IKZF3: variants seen among roughly 807,000 people sequenced by gnomAD.
The protein encoded by IKZF3 is IKAROS family zinc finger 3.
A neutral mutation model predicts 49.0 loss-of-function variants in IKZF3; 10 were observed. The ratio of observed to expected loss-of-function variants is 0.20; its 90% confidence interval spans 0.13 to 0.35. IKZF3 has a LOEUF of 0.35. Ranked by LOEUF, IKZF3 falls within the 10% of genes least tolerant of loss-of-function variation. The pLI is 1.00. For missense variants in IKZF3, 498 were observed against 664.8 expected (o/e 0.75, Z 2.76); for synonymous variants, 209 against 228.2 (o/e 0.92, Z 0.76).
chr17:39,852,225 A>G (rs1283840958), intron 1 of IKZF3, among the ~76,000 whole-genome samples: 2 of 152,168 alleles, frequency 1.3e-5, no homozygotes, highest in African/African-American at 4.8e-5. Flanking sequence ...ATTTCCCTCC[A>G]GCAACATCCC....
chr17:39,809,148 A>T (rs1020065670), intron 3 of IKZF3, among the ~76,000 whole-genome samples: 9 of 152,218 alleles, frequency 5.9e-5, no homozygotes, highest in Admixed American at 5.9e-4. Flanking sequence ...TTACTTATTC[A>T]GTTGACATAA....
At chr17:39,860,053 G>A (rs1040087467) in intron 1 of IKZF3, among the ~76,000 whole-genome samples, 14 of 152,214 alleles carry the variant, frequency 9.2e-5, no homozygotes, top group Middle Eastern at 3.4e-3. Context: ...CCAACATAGT[G>A]AGACCCCCAT....
intron 1 of IKZF3, among the ~76,000 whole-genome samples, chr17:39,857,273 A>G (rs190412318): frequency 6.6e-6 from 1 of 152,218 alleles, no homozygotes; most frequent in African/African-American, 2.4e-5. Flanking sequence ...TGTGAGAGTG[A>G]TCTTTTTCTC....
chr17:39,850,480 A>C (rs979572279), intron 1 of IKZF3, among the ~76,000 whole-genome samples: 9 of 129,862 alleles, frequency 6.9e-5, no homozygotes, highest in African/African-American at 2.6e-4. Context: ...TACATATAAT[A>C]TATAGCATAT....
intron 3 of IKZF3, among the ~76,000 whole-genome samples, chr17:39,819,951 G>A (rs191191447): frequency 1.8e-4 from 27 of 152,252 alleles, no homozygotes; most frequent in African/African-American, 5.1e-4. Context: ...GATTACAGGC[G>A]TGAGCCAAGC....
intron 3 of IKZF3, among the ~76,000 whole-genome samples, chr17:39,812,056 T>C (rs891554657): frequency 2.0e-5 from 3 of 152,230 alleles, no homozygotes; most frequent in Admixed American, 6.5e-5. Context: ...TACAATTGTG[T>C]CCAGTTTAAA....
chr17:39,830,383 T>G (rs954047513), intron 2 of IKZF3, among the ~76,000 whole-genome samples: 12 of 152,114 alleles, frequency 7.9e-5, no homozygotes, highest in African/African-American at 2.4e-4. Context: ...GCTCATACTT[T>G]GAGATATAGA....
rs774788977 is a variant in IKZF3, at chr17:39,832,093, G to A, written c.61+5C>T. On this transcript the variant is annotated splice_donor_5th_base_variant and intron_variant, in intron 2 of 7. Coordinates refer to ENST00000346872, the MANE Select transcript of IKZF3 (RefSeq NM_012481.5). Reference sequence around the variant, plus strand: ...TATTTCCAGAGAGGAAAGACCTGATGTTACCTGCGGGCACAGACTGCTCCT... The same window carrying A: ...TATTTCCAGAGAGGAAAGACCTGATATTACCTGCGGGCACAGACTGCTCCT... 6.2e-7 allele frequency: 1 copy of A among 1,606,736 alleles called. No individual in the cohort carries two copies. Among genetic ancestry groups the A allele is most frequent in the Non-Finnish European group, 8.5e-7 (1 of 1,174,218 alleles).
chr17:39,768,886 T>C (rs762486052), intron 7 of IKZF3, among the ~76,000 whole-genome samples: 3 of 152,210 alleles, frequency 2.0e-5, no homozygotes, highest in Non-Finnish European at 4.4e-5. Flanking sequence ...ACAGAGCATT[T>C]CATTAAATTT....
intron 2 of IKZF3, among the ~76,000 whole-genome samples, chr17:39,830,465 A>G (rs909981846): frequency 1.3e-5 from 2 of 152,210 alleles, no homozygotes; most frequent in African/African-American, 4.8e-5. Flanking sequence ...ACAAAGTGTT[A>G]TTAAAGTTCA....
In IKZF3 at chr17:39,829,390, CT is replaced by C; in HGVS notation, c.159del (p.Ile53MetfsTer6). ...TAGTCTGCACACTACGGCTCACCTC[CT>C]ATGTCTTCATCTTCATTGGCTGGGC... ...GEGPANEDED[I>X]GDDSMKVKDE... On this transcript the variant is annotated frameshift_variant, in exon 3 of 8. Coordinates refer to ENST00000346872, the MANE Select transcript of IKZF3 (RefSeq NM_012481.5). LOFTEE classifies it high-confidence loss of function. The C allele has an allele frequency of 6.2e-7, 1 of 1,610,372 alleles. No homozygotes were observed. The highest frequency in any genetic ancestry group is 8.5e-7 in the Non-Finnish European group (1 of 1,176,570).
intron 3 of IKZF3, among the ~76,000 whole-genome samples, chr17:39,822,587 T>C (rs906415754): frequency 6.7e-6 from 1 of 149,708 alleles, no homozygotes; most frequent in Non-Finnish European, 1.5e-5. Flanking sequence ...TCTTTCTTTT[T>C]TTTTTTTTTT....
chr17:39,844,489 A>G (rs947975952), intron 1 of IKZF3, among the ~76,000 whole-genome samples: 2 of 152,128 alleles, frequency 1.3e-5, no homozygotes, highest in Non-Finnish European at 2.9e-5. Flanking sequence ...AAAGTCACCT[A>G]TTCAAACAAG....
At chr17:39,836,103 G>T (rs1290173645) in intron 1 of IKZF3, 6 of 662,698 alleles carry the variant, frequency 9.1e-6, no homozygotes, top group Middle Eastern at 8.0e-4. Flanking sequence ...CAAACTTGTT[G>T]AGGGTCTTAA....
Position 39,864,205 on chromosome 17 carries a change from C to A in IKZF3, c.-79G>T, listed in dbSNP as rs2063299326. The stretch of plus-strand genomic sequence containing the variant: ...TGCTCCTGCCGTCGCCTGGACTCAG[C>A]GCGCAGCTGGCGGGAGATTCCCGGC... On this transcript the variant is annotated 5_prime_UTR_variant, in exon 1 of 8. Transcript: ENST00000346872. 3.9e-6 allele frequency: 6 copies of A among 1,526,548 alleles called. No homozygotes were observed. The highest frequency in any genetic ancestry group is 5.3e-6 in the Non-Finnish European group (6 of 1,126,680). 94.6% of individuals were successfully genotyped at this position (1,526,548 alleles called of 1,614,324 possible).
chr17:39,862,900 G>A (rs1234067855), intron 1 of IKZF3, among the ~76,000 whole-genome samples: 1 of 152,102 alleles, frequency 6.6e-6, no homozygotes, highest in African/African-American at 2.4e-5. Context: ...AACATTTATA[G>A]AGAAATACTC....
chr17:39,784,648 C>T lies in IKZF3; in HGVS notation c.709+3610G>A, dbSNP rs140156541. On this transcript the variant is annotated intron_variant, in intron 6 of 7. Coordinates refer to ENST00000346872, the MANE Select transcript of IKZF3 (RefSeq NM_012481.5). ...CCATCTCTTGACCTTGTGATCCGCC[C>T]GCCTCGGCCTCCCAAAGTGTCAGGA... Among the ~76,000 whole-genome samples, 666 of 152,278 alleles carry T rather than the reference C, an allele frequency of 4.4e-3. 4 individuals are homozygous for T. The highest frequency in any genetic ancestry group is 0.015 in the African/African-American group (604 of 41,542).
chr17:39,780,763 G>A (rs1333627595), intron 6 of IKZF3, among the ~76,000 whole-genome samples: 2 of 152,092 alleles, frequency 1.3e-5, no homozygotes, highest in African/African-American at 4.8e-5. Context: ...GAGGTGAGAG[G>A]ATGGCTTGAG....
chr17:39,820,871 A>ATTT (rs1235858168), intron 3 of IKZF3, among the ~76,000 whole-genome samples: 1 of 152,096 alleles, frequency 6.6e-6, no homozygotes, highest in East Asian at 1.9e-4. Context: ...GGAGCTGGAG[A>ATTT]TTGAGTCCTA....
Sources: gnomAD v4.1 joint callset for allele counts (sites outside exome capture counted in the v4.1 genomes callset) on GRCh38, gnomAD v4.1.1 for gene constraint, MANE v1.5 for transcripts, NCBI Gene and HGNC (gene_info 2026-07-23, HGNC 2026-07-21) for gene names.